MYNN: variants seen among roughly 807,000 people sequenced by gnomAD.
MYNN encodes the protein myoneurin, also known as zinc finger and BTB domain-containing protein 31.
Under a neutral mutation model 57.2 loss-of-function variants are expected in MYNN, and 22 were observed. The ratio of observed to expected loss-of-function variants is 0.38; its 90% confidence interval spans 0.27 to 0.55. The LOEUF is 0.55. Among genes scored for constraint, MYNN ranks in the 20% least tolerant of loss-of-function variants. The pLI, the probability that MYNN is intolerant of heterozygous loss-of-function variation, is 0.71. For synonymous variants in MYNN, 241 were observed against 257.1 expected (o/e 0.94, Z 0.60); for missense variants, 566 against 723.1 (o/e 0.78, Z 2.49).
chr3:169,779,520 C>G lies in MYNN; in HGVS notation c.1019C>G (p.Thr340Ser), dbSNP rs1051880004. The G allele has an allele frequency of 7.4e-6, 12 of 1,614,000 alleles. No individual in the cohort carries two copies. The highest frequency in any genetic ancestry group is 1.0e-5 in the Non-Finnish European group (12 of 1,180,014). The stretch of plus-strand genomic sequence containing the variant: ...TGCCACTTATGTGGAAAGGCATTTA[C>G]CCAATGTAACCAGCTGAAAACGCAT... ...YVCHLCGKAF[T>S]QCNQLKTHVR... is the part of the protein sequence containing the mutation. Residue 340 changes from threonine to serine, a missense_variant, in exon 3 of 8, where the codon ACC becomes AGC. Around this residue, in one of 4 missense-constraint regions of MYNN, gnomAD observed 123 missense variants for 222.6 expected, o/e 0.55. Transcript: ENST00000349841.
chr3:169,780,429 C>T, intron 3 of MYNN, 161 bp from the exon 4 acceptor site: 1 of 491,744 alleles, frequency 2.0e-6, no homozygotes, highest in South Asian at 3.8e-5. Flanking sequence ...TCTTTTGATT[C>T]TACTGGTGTT....
At position 169,783,553 on chromosome 3, in the gene MYNN, C is replaced by A. The variant is rs1269758579; in HGVS notation, c.1476C>A (p.Ser492=). Residue 492 remains serine, a synonymous_variant, in exon 6 of 8, where the codon TCC becomes TCA. Coordinates refer to ENST00000349841, the MANE Select transcript of MYNN (RefSeq NM_018657.5). The part of the protein sequence containing the change: ...SSGELNKHFR[S]HTGERPFICE... ...GAGAGCTCAACAAACACTTTCGGTC[C>A]CATACAGGTCTGTGTTTAGGGAGAA... is the stretch of plus-strand genomic sequence containing the variant. The A allele has an allele frequency of 6.2e-7, 1 of 1,605,108 alleles. No homozygotes were observed.
rs920483554 is a variant in MYNN at position 169,786,476 on chromosome 3, T to C, written c.1631T>C (p.Ile544Thr). ...EDHTLSEQDS[I>T]QKSPLSETMD... ...CATACTTTGAGTGAACAGGATTCCATACAAAAAAGTCCTTTATCAGAAACT... is the reference window on the plus strand; with the variant it reads ...CATACTTTGAGTGAACAGGATTCCACACAAAAAAGTCCTTTATCAGAAACT... Residue 544 changes from isoleucine to threonine, a missense_variant, in exon 8 of 8, where the codon ATA (isoleucine) becomes ACA (threonine). Coordinates refer to ENST00000349841, the MANE Select transcript of MYNN (RefSeq NM_018657.5). 2 of 1,613,604 alleles carry C rather than the reference T, an allele frequency of 1.2e-6. No homozygotes were observed. Among genetic ancestry groups the C allele is most frequent in the African/African-American group, 2.7e-5 (2 of 75,014 alleles).
In MYNN at chr3:169,774,265, A is replaced by T. The variant is rs770427794; in HGVS notation, c.-31A>T. The T allele has an allele frequency of 5.0e-6, 8 of 1,604,242 alleles. No homozygotes were observed. In the African/African-American group the frequency reaches 6.7e-5, roughly 13 times the overall value. On this transcript the variant is annotated splice_region_variant and 5_prime_UTR_variant, in exon 2 of 8. Transcript: ENST00000349841. Reference sequence around the variant, plus strand: ...TTTACTGTTTCTTTTTGTCTTTTAGATCAAGGGTAAAATTCCATTCTGATA... The same window carrying T: ...TTTACTGTTTCTTTTTGTCTTTTAGTTCAAGGGTAAAATTCCATTCTGATA...
intron 2 of MYNN, among the ~76,000 whole-genome samples, chr3:169,776,259 G>A (rs904609872): frequency 5.3e-5 from 8 of 152,128 alleles, no homozygotes; most frequent in Non-Finnish European, 8.8e-5. Flanking sequence ...CTAATTCCTC[G>A]AGTTCAGCTA....
intron 1 of MYNN, 115 bp from the exon 2 acceptor site, chr3:169,774,150 G>T: frequency 2.7e-6 from 2 of 730,930 alleles, no homozygotes. Context: ...ATGTATGTTT[G>T]ATAAGGATTT....
chr3:169,779,327 A>G lies in MYNN; in HGVS notation c.826A>G (p.Asn276Asp). Residue 276 changes from asparagine (N) to aspartate (D), a missense_variant, in exon 3 of 8, where the codon AAT (asparagine) becomes GAT (aspartate). By Grantham distance (23) the Asn-to-Asp change is conservative. Around this residue, in one of 4 missense-constraint regions of MYNN, gnomAD observed 261 missense variants for 280.8 expected, o/e 0.93. Coordinates refer to ENST00000349841, the MANE Select transcript of MYNN (RefSeq NM_018657.5). ...NCALKEHSMS[N>D]IASVKSPYEA... The stretch of plus-strand genomic sequence containing the variant: ...TGCTCTGAAAGAACACTCTATGTCT[A>G]ATATAGCCAGCGTCAAGAGTCCTTA... 1 of 1,614,200 alleles carries G rather than the reference A, an allele frequency of 6.2e-7. No individual in the cohort carries two copies. The highest frequency in any genetic ancestry group is 8.5e-7 in the Non-Finnish European group (1 of 1,180,036).
In MYNN at chr3:169,780,761, A is replaced by G. The variant is rs767326680; in HGVS notation, c.1220+12A>G. 64 of 1,586,632 alleles carry G rather than the reference A, an allele frequency of 4.0e-5. No homozygotes were observed. The highest frequency in any genetic ancestry group is 5.4e-5 in the Non-Finnish European group (63 of 1,170,108). On this transcript the variant is annotated intron_variant, in intron 4 of 7. Transcript: ENST00000349841. ...AAGATTCATGCAAGGTAAAAAACCA[A>G]ATGAGTTGTTTGATCTTTTAGTCTT...
intron 7 of MYNN, 50 bp downstream of exon 7, chr3:169,784,758 C>T (rs745331332): frequency 1.3e-5 from 15 of 1,151,426 alleles, no homozygotes; most frequent in Non-Finnish European, 1.8e-5. Flanking sequence ...ATTTGGTGCT[C>T]ATATTAGTGC....
In MYNN at chr3:169,789,382, T is replaced by G. The variant is rs950964945; in HGVS notation, c.*2704T>G. The G allele has an allele frequency of 6.6e-6, 1 of 152,232 alleles. No individual in the cohort carries two copies. Among genetic ancestry groups the G allele is most frequent in the African/African-American group, 2.4e-5 (1 of 41,454 alleles). 9.4% of individuals were successfully genotyped at this position (152,232 alleles called of 1,614,324 possible). A position where few individuals can be genotyped will look rare whatever the true frequency, so the allele number is the denominator to read the frequency against. ...TATTCTAAATAGTTCTAACATTTAATGCATATCAGAAACATGCTTAAGAAA... is the reference window on the plus strand; with the variant it reads ...TATTCTAAATAGTTCTAACATTTAAGGCATATCAGAAACATGCTTAAGAAA... On this transcript the variant is annotated 3_prime_UTR_variant, in exon 8 of 8. Coordinates refer to ENST00000349841, the MANE Select transcript of MYNN (RefSeq NM_018657.5).
At chr3:169,783,597 C>G in intron 6 of MYNN, 37 bp downstream of exon 6, 1 of 1,417,154 alleles carries the variant, frequency 7.1e-7, no homozygotes, top group Non-Finnish European at 9.9e-7. Context: ...TTTTTGTTCT[C>G]TCTTAATTTC....
Position 169,778,910 on chromosome 3 carries a change from G to A in MYNN, c.409G>A (p.Glu137Lys). Residue 137 changes from glutamate to lysine, a missense_variant, in exon 3 of 8, where the codon GAA (glutamate) becomes AAA (lysine). Physicochemically the swap from Glu to Lys is moderately conservative, Grantham distance 56. Coordinates refer to ENST00000349841, the MANE Select transcript of MYNN (RefSeq NM_018657.5). ...GATATCTAGTATTACTGGAAACATT[G>A]AATTGAATCAACAGACTTGTCTTCT... The part of the protein sequence containing the change: ...TEISSITGNI[E>K]LNQQTCLLTL... 6.2e-7 allele frequency: 1 copy of A among 1,613,992 alleles called. No homozygotes were observed. Among genetic ancestry groups the A allele is most frequent in the Non-Finnish European group, 8.5e-7 (1 of 1,179,994 alleles).
chr3:169,781,350 T>G (rs1242958388), intron 4 of MYNN, among the ~76,000 whole-genome samples: 1 of 152,192 alleles, frequency 6.6e-6, no homozygotes, highest in African/African-American at 2.4e-5. Context: ...TTGAGATGAC[T>G]TAACACTTCT....
chr3:169,773,417 C>G lies in MYNN; in HGVS notation c.-77C>G, dbSNP rs1778232314. 1 of 152,344 alleles carries G rather than the reference C, an allele frequency of 6.6e-6. No homozygotes were observed. The highest frequency in any genetic ancestry group is 1.5e-5 in the Non-Finnish European group (1 of 68,138). 9.4% of individuals were successfully genotyped at this position (152,344 alleles called of 1,614,324 possible). Reference sequence around the variant, plus strand: ...GCTCGGTGACGTCCTCCCAAGATGGCGGAGACAGAGTGAAGAAACTGTGTT... The same window carrying G: ...GCTCGGTGACGTCCTCCCAAGATGGGGGAGACAGAGTGAAGAAACTGTGTT... On this transcript the variant is annotated 5_prime_UTR_variant, in exon 1 of 8. Coordinates refer to ENST00000349841, the MANE Select transcript of MYNN (RefSeq NM_018657.5).
chr3:169,779,525 T>C lies in MYNN; in HGVS notation c.1024T>C (p.Cys342Arg), dbSNP rs1240446533. ...CTTATGTGGAAAGGCATTTACCCAA[T>C]GTAACCAGCTGAAAACGCATGTAAG... ...CHLCGKAFTQ[C>R]NQLKTHVRTH... is the part of the protein sequence containing the mutation. The change falls in exon 3 of 8, where the codon TGT (cysteine) becomes CGT (arginine). Residue 342 changes from cysteine to arginine, a missense_variant. Cys to Arg is a radical substitution (Grantham distance 180). This residue lies in a region of MYNN where 123 missense variants were observed against 222.6 expected (regional missense o/e 0.55). Coordinates refer to ENST00000349841, the MANE Select transcript of MYNN (RefSeq NM_018657.5). 6.2e-7 allele frequency: 1 copy of C among 1,614,102 alleles called. No homozygotes were observed. The highest frequency in any genetic ancestry group is 8.5e-7 in the Non-Finnish European group (1 of 1,180,002).
Position 169,782,183 on chromosome 3 carries a change from G to C in MYNN, c.1221-282G>C, listed in dbSNP as rs1778536661. ...GAGGAGAGAGTTCACAAGTCAAAGA[G>C]TGACTAGACTCATGAAAATAATTGC... is the stretch of plus-strand genomic sequence containing the variant. On this transcript the variant is annotated intron_variant, in intron 4 of 7. Coordinates refer to ENST00000349841, the MANE Select transcript of MYNN (RefSeq NM_018657.5). This position sits in a 1 kb window ranked among gnomAD's most constrained non-coding sequence, Gnocchi z 4.8. Among the ~76,000 whole-genome samples, 1 of 152,166 alleles carries C rather than the reference G, an allele frequency of 6.6e-6. No homozygotes were observed. Among genetic ancestry groups the C allele is most frequent in the Non-Finnish European group, 1.5e-5 (1 of 68,026 alleles).
Position 169,778,912 on chromosome 3 carries a change from A to T in MYNN, c.411A>T (p.Glu137Asp). 6.2e-7 allele frequency: 1 copy of T among 1,614,100 alleles called. No homozygotes were observed. The highest frequency in any genetic ancestry group is 8.5e-7 in the Non-Finnish European group (1 of 1,180,006). ...TATCTAGTATTACTGGAAACATTGAATTGAATCAACAGACTTGTCTTCTTA... is the reference window on the plus strand; with the variant it reads ...TATCTAGTATTACTGGAAACATTGATTTGAATCAACAGACTTGTCTTCTTA... The part of the protein sequence containing the change: ...TEISSITGNI[E>D]LNQQTCLLTL... The change falls in exon 3 of 8, where the codon GAA becomes GAT. Residue 137 changes from glutamate to aspartate, a missense_variant. Glu to Asp is a conservative substitution (Grantham distance 45, BLOSUM62 2). Coordinates refer to ENST00000349841, the MANE Select transcript of MYNN (RefSeq NM_018657.5).
At chr3:169,785,982 G>T (rs1432193774) in intron 7 of MYNN, among the ~76,000 whole-genome samples, 1 of 152,006 alleles carries the variant, frequency 6.6e-6, no homozygotes, top group Non-Finnish European at 1.5e-5. Flanking sequence ...AATGAAAAGA[G>T]TATTTCTTAT....
chr3:169,778,900 T>G lies in MYNN; in HGVS notation c.399T>G (p.Thr133=), dbSNP rs1441145377. 1.9e-6 allele frequency: 3 copies of G among 1,613,978 alleles called. No homozygotes were observed. Among genetic ancestry groups the G allele is most frequent in the African/African-American group, 1.3e-5 (1 of 74,934 alleles). ...NPSSTEISSI[T]GNIELNQQTC... is the part of the protein sequence containing the mutation. ...CTTCTACAGAGATATCTAGTATTAC[T>G]GGAAACATTGAATTGAATCAACAGA... The change falls in exon 3 of 8, where the codon ACT becomes ACG. Residue 133 remains threonine (T), a synonymous_variant. Coordinates refer to ENST00000349841, the MANE Select transcript of MYNN (RefSeq NM_018657.5).
Sources: gnomAD v4.1 joint callset for allele counts (sites outside exome capture counted in the v4.1 genomes callset) on GRCh38, gnomAD v4.1.1 for gene constraint, gnomAD v4.1.1 regional missense constraint, Gnocchi (gnomAD v3.1) non-coding constraint, MANE v1.5 for transcripts, NCBI Gene and HGNC (gene_info 2026-07-23, HGNC 2026-07-21) for gene names.